Variants in MSI2 observed in about 807,000 individuals in gnomAD.
MSI2 encodes musashi RNA binding protein 2.
MSI2 carries 17 observed loss-of-function variants against 45.6 expected under a neutral mutation model. The ratio of observed to expected loss-of-function variants is 0.37; its 90% CI spans 0.26 to 0.56. The LOEUF (loss-of-function observed/expected upper bound fraction) is 0.56, where lower values mean the gene tolerates loss of function less well. Ranked by LOEUF, MSI2 falls within the 20% of genes least tolerant of loss-of-function variation. MSI2 has a pLI of 0.77. For synonymous variants in MSI2, 156 were observed against 158.2 expected (o/e 0.99, Z 0.11); for missense variants, 293 against 444.2 (o/e 0.66, Z 3.06).
rs115154126 is a variant in MSI2, at chr17:57,639,175, G to A, written c.727+11872G>A. Among the ~76,000 whole-genome samples the A allele has an allele frequency of 1.8e-3, 279 of 152,298 alleles. 1 individual carries two copies. Among genetic ancestry groups the A allele is most frequent in the African/African-American group, 6.3e-3 (263 of 41,566 alleles). ...ATATCATCACCTTGAGAGTGAGGAT[G>A]TCAACATATAAATTTTGGCAGGGAC... On this transcript the variant is annotated intron_variant, in intron 10 of 13. Coordinates refer to ENST00000284073, the MANE Select transcript of MSI2 (RefSeq NM_138962.4).
At chr17:57,383,757 C>A (rs555439617) in intron 5 of MSI2, among the ~76,000 whole-genome samples, 1 of 152,362 alleles carries the variant, frequency 6.6e-6, no homozygotes, top group South Asian at 2.1e-4. Flanking sequence ...CCACTACAAG[C>A]ATATGGTGGT....
chr17:57,637,446 A>G (rs564675676), intron 10 of MSI2, among the ~76,000 whole-genome samples: 2 of 152,332 alleles, frequency 1.3e-5, no homozygotes, highest in Admixed American at 1.3e-4. Flanking sequence ...GAATTGGAGC[A>G]ATCTGAATTG....
intron 5 of MSI2, among the ~76,000 whole-genome samples, chr17:57,393,753 C>A (rs950276168): frequency 6.6e-6 from 1 of 152,244 alleles, no homozygotes; most frequent in Non-Finnish European, 1.5e-5. Flanking sequence ...ACGATCTTGG[C>A]TCACTGTAAC....
chr17:57,419,508 G>GC, intron 6 of MSI2, among the ~76,000 whole-genome samples: 1 of 149,140 alleles, frequency 6.7e-6, no homozygotes, highest in East Asian at 2.0e-4. Context: ...GATTACAGGT[G>GC]CTCATCAGCA....
chr17:57,303,028 T>G (rs1911547365), intron 5 of MSI2, among the ~76,000 whole-genome samples: 1 of 152,092 alleles, frequency 6.6e-6, no homozygotes. Context: ...ACCACCAGGC[T>G]CCAGCTGGTG....
At chr17:57,590,009 C>T (rs1479101909) in intron 7 of MSI2, among the ~76,000 whole-genome samples, 1 of 152,220 alleles carries the variant, frequency 6.6e-6, no homozygotes, top group Non-Finnish European at 1.5e-5. Context: ...ATATTGCTTT[C>T]CCCAAATACT....
chr17:57,268,622 G>A (rs1908046609), intron 5 of MSI2: 1 of 151,672 alleles, frequency 6.6e-6, no homozygotes, highest in Admixed American at 6.6e-5. Context: ...TGGGTCACGA[G>A]GTCAGGAGTT....
At chr17:57,521,592 G>A (rs575439703) in intron 6 of MSI2, among the ~76,000 whole-genome samples, 2 of 152,248 alleles carry the variant, frequency 1.3e-5, no homozygotes, top group African/African-American at 2.4e-5. Flanking sequence ...TTCTGGCAGG[G>A]AATGAACTTC....
In MSI2 at chr17:57,326,819, T is replaced by C. The variant is rs116741843; in HGVS notation, c.312+64627T>C. 8.8e-3 allele frequency among the ~76,000 whole-genome samples: 1,346 copies of C among 152,214 alleles called. 24 individuals carry two copies. The highest frequency in any genetic ancestry group is 0.031 in the African/African-American group (1,283 of 41,528). On this transcript the variant is annotated intron_variant, in intron 5 of 13. Transcript: ENST00000284073. Reference sequence around the variant, plus strand: ...TGTGGCTTGGAAGTGGAGAGGGAGATTTGAATTCAGGAAGCCTGATTTTAA... The same window carrying C: ...TGTGGCTTGGAAGTGGAGAGGGAGACTTGAATTCAGGAAGCCTGATTTTAA...
At chr17:57,438,516 G>C (rs557113892) in intron 6 of MSI2, among the ~76,000 whole-genome samples, 5 of 152,278 alleles carry the variant, frequency 3.3e-5, no homozygotes, top group South Asian at 2.1e-4. Context: ...GGCTGGGCAT[G>C]ATCACTGAGA....
chr17:57,650,812 C>T (rs1911085601), intron 10 of MSI2, among the ~76,000 whole-genome samples: 2 of 152,132 alleles, frequency 1.3e-5, no homozygotes, highest in African/African-American at 2.4e-5. Context: ...GCTTCTAGTT[C>T]GCTCTGTTTG....
At chr17:57,264,478 G>A (rs2143209037) in intron 5 of MSI2, 1 of 152,310 alleles carries the variant, frequency 6.6e-6, no homozygotes, top group South Asian at 2.1e-4. Context: ...CCCCCAGAGT[G>A]CTGGGATTAT....
chr17:57,531,603 A>G (rs2086822800), intron 7 of MSI2, among the ~76,000 whole-genome samples: 1 of 152,218 alleles, frequency 6.6e-6, no homozygotes, highest in Non-Finnish European at 1.5e-5. Context: ...CAGTGTTAGA[A>G]TTCATAGTCC....
chr17:57,573,293 A>T (rs1416242230), intron 7 of MSI2, among the ~76,000 whole-genome samples: 1 of 151,876 alleles, frequency 6.6e-6, no homozygotes, highest in East Asian at 1.9e-4. Context: ...AATGACCAGC[A>T]ACTTCTGCTT....
At chr17:57,634,089 C>T (rs1394831305) in intron 10 of MSI2, among the ~76,000 whole-genome samples, 1 of 152,238 alleles carries the variant, frequency 6.6e-6, no homozygotes, top group African/African-American at 2.4e-5. Flanking sequence ...CTGACTCCTT[C>T]AGATGCTTTT....
At chr17:57,462,418 G>A (rs138743234) in intron 6 of MSI2, among the ~76,000 whole-genome samples, 41 of 152,286 alleles carry the variant, frequency 2.7e-4, no homozygotes, top group African/African-American at 9.6e-4. Flanking sequence ...TCCAGAGGTG[G>A]GTGTTGTGCC....
Position 57,506,238 on chromosome 17 carries a change from A to G in MSI2, c.406-23438A>G, listed in dbSNP as rs552917524. Among the ~76,000 whole-genome samples the G allele has an allele frequency of 3.3e-5, 5 of 152,280 alleles. No individual in the cohort carries two copies. In the South Asian group the frequency reaches 1.0e-3, roughly 32 times the overall value. ...TCCCTGCTCCGGCTCTTTCTCTTTG[A>G]AAGGCGTGGGCTCATCTTCCTTTAC... On this transcript the variant is annotated intron_variant, in intron 6 of 13. Coordinates refer to ENST00000284073, the MANE Select transcript of MSI2 (RefSeq NM_138962.4).
At chr17:57,592,040 C>T (rs560169502) in intron 7 of MSI2, among the ~76,000 whole-genome samples, 4 of 151,920 alleles carry the variant, frequency 2.6e-5, no homozygotes, top group African/African-American at 4.8e-5. Context: ...GGTGCGGTGG[C>T]GTGTACCTGT....
chr17:57,401,600 A>G, intron 6 of MSI2, 129 bp downstream of exon 6: 4 of 687,412 alleles, frequency 5.8e-6, no homozygotes, highest in Non-Finnish European at 1.0e-5. Context: ...CCTGGCCATC[A>G]TGATTTAAGT....
Sources: gnomAD v4.1 joint callset for allele counts (sites outside exome capture counted in the v4.1 genomes callset) on GRCh38, gnomAD v4.1.1 for gene constraint, MANE v1.5 for transcripts, NCBI Gene and HGNC (gene_info 2026-07-23, HGNC 2026-07-21) for gene names.